The following GLI2 variants were observed in gnomAD, a reference collection of about 807,000 sequenced individuals.
GLI2 encodes GLI family zinc finger 2, also known as transcription activator GLI2.
In GLI2, 22 loss-of-function variants were observed where a neutral mutation model predicts 78.9. The ratio of observed to expected loss-of-function variants is 0.28; its 90% confidence interval spans 0.20 to 0.40. GLI2 has a LOEUF of 0.40. GLI2 is among the 10% of genes least tolerant of loss of function. GLI2 has a pLI of 1.00. For synonymous variants in GLI2, 974 were observed against 963.7 expected, an observed-to-expected ratio of 1.01 and a Z score of -0.20; for missense variants, 2,097 against 2,213.2, an observed-to-expected ratio of 0.95 and a Z score of 1.05.
intron 3 of GLI2, among the ~76,000 whole-genome samples, chr2:120,940,791 A>G (rs1558899633): frequency 6.6e-6 from 1 of 152,224 alleles, no homozygotes; most frequent in Non-Finnish European, 1.5e-5. Context: ...GTCTGCTGAG[A>G]TCTGTGCACT....
intron 1 of GLI2, among the ~76,000 whole-genome samples, chr2:120,773,300 G>A (rs1683575534): frequency 1.3e-5 from 2 of 152,170 alleles, no homozygotes; most frequent in African/African-American, 2.4e-5. Flanking sequence ...GGATATCGGT[G>A]TGCCTGATGG....
chr2:120,932,877 G>T (rs1680010863), intron 3 of GLI2, among the ~76,000 whole-genome samples: 1 of 152,214 alleles, frequency 6.6e-6, no homozygotes, highest in South Asian at 2.1e-4. Flanking sequence ...TGGCACAGAA[G>T]GTGGGGGATG....
Position 120,989,248 on chromosome 2 carries a change from G to A in GLI2, c.3283G>A (p.Ala1095Thr), listed in dbSNP as rs1476019294. 3.1e-6 allele frequency: 5 copies of A among 1,613,036 alleles called. No individual in the cohort carries two copies. The highest frequency in any genetic ancestry group is 4.2e-6 in the Non-Finnish European group (5 of 1,180,026). The change falls in exon 14 of 14, where the codon GCT becomes ACT. Residue 1095 changes from alanine to threonine, a missense_variant. Transcript: ENST00000361492. ...GCTGCACGGCCAGCGCAGGATGGTG[G>A]CTGCGGACTCCAACGTGGGCCCCTC... ...PGLHGQRRMVAADSNVGPSAP... is the reference protein window; with the variant it reads ...PGLHGQRRMVTADSNVGPSAP...
In GLI2 at chr2:120,898,177, AACACAC is replaced by A. The variant is rs55794893; in HGVS notation, c.149-29150_149-29145del. 9.3e-3 allele frequency among the ~76,000 whole-genome samples: 1,306 copies of A among 140,306 alleles called. 14 individuals carry two copies. The highest frequency in any genetic ancestry group is 0.032 in the African/African-American group (1,171 of 36,996). 92.0% of individuals were successfully genotyped at this position (140,306 alleles called of 152,430 possible). On this transcript the variant is annotated intron_variant, in intron 2 of 13. Transcript: ENST00000361492. ...GGCATAAGGCACTGATATAGATTAA[AACACAC>A]ACACACACACACACACACACACACA...
chr2:120,951,742 C>G (rs1333521763), intron 4 of GLI2: 2 of 327,544 alleles, frequency 6.1e-6, no homozygotes, highest in Non-Finnish European at 1.1e-5. Flanking sequence ...TGTAACCAAC[C>G]AAAGCCTGCA....
At chr2:120,792,501 G>C (rs1293842146) in intron 1 of GLI2, 1 of 152,268 alleles carries the variant, frequency 6.6e-6, no homozygotes, top group Non-Finnish European at 1.5e-5. Flanking sequence ...CTTGGGCATA[G>C]CTGCGACTCA....
At chr2:120,928,238 G>T (rs970428463) in intron 3 of GLI2, among the ~76,000 whole-genome samples, 2 of 151,954 alleles carry the variant, frequency 1.3e-5, no homozygotes, top group Non-Finnish European at 1.5e-5. Flanking sequence ...GCATCTTCAT[G>T]CCCACACCCT....
intron 1 of GLI2, among the ~76,000 whole-genome samples, chr2:120,739,289 G>A (rs1220129840): frequency 6.6e-6 from 1 of 152,116 alleles, no homozygotes; most frequent in Admixed American, 6.5e-5. Context: ...CCTGCCCCGG[G>A]GGTACTCCAC....
chr2:120,756,497 TTTTA>T (rs1478979695), intron 1 of GLI2, among the ~76,000 whole-genome samples: 1 of 152,186 alleles, frequency 6.6e-6, no homozygotes. Flanking sequence ...TCTGAATTCC[TTTTA>T]TTTAGTTTTT....
intron 2 of GLI2, among the ~76,000 whole-genome samples, chr2:120,894,938 C>A (rs573503751): frequency 3.3e-5 from 5 of 152,318 alleles, no homozygotes; most frequent in African/African-American, 1.2e-4. Flanking sequence ...ACCTCGTGAT[C>A]TGCCCGCCTC....
chr2:120,903,093 T>C (rs1457246566), intron 2 of GLI2, among the ~76,000 whole-genome samples: 1 of 151,846 alleles, frequency 6.6e-6, no homozygotes. Context: ...CTTTTTTTAA[T>C]GCAATTCAGG....
At chr2:120,959,986 G>T (rs1436269235) in intron 5 of GLI2, among the ~76,000 whole-genome samples, 1 of 152,160 alleles carries the variant, frequency 6.6e-6, no homozygotes, top group East Asian at 1.9e-4. Context: ...GCAGGCGCAG[G>T]GGGCCTGGAG....
chr2:120,978,717 G>A (rs1682578936), intron 10 of GLI2, 134 bp downstream of exon 10: 8 of 985,908 alleles, frequency 8.1e-6, no homozygotes, highest in Non-Finnish European at 1.2e-5. Flanking sequence ...CTCTGGGACA[G>A]GAGCCTGTTC....
intron 2 of GLI2, among the ~76,000 whole-genome samples, chr2:120,910,709 GGCAGAATGATACATGGGGGTTATTA>G (rs1032203256): frequency 6.6e-6 from 1 of 152,216 alleles, no homozygotes; most frequent in Non-Finnish European, 1.5e-5. Context: ...TTCGGAGCCA[GGCAGAATGATACATGGGGGTTATTA>G]GCAGCCACCA....
At chr2:120,810,071 G>A (rs1241520921) in intron 2 of GLI2, among the ~76,000 whole-genome samples, 7 of 152,182 alleles carry the variant, frequency 4.6e-5, no homozygotes, top group Non-Finnish European at 1.0e-4. Flanking sequence ...CTGTGCTGCT[G>A]GAAATTAACT....
At chr2:120,923,561 C>G (rs1679507099) in intron 2 of GLI2, among the ~76,000 whole-genome samples, 1 of 152,024 alleles carries the variant, frequency 6.6e-6, no homozygotes, top group Non-Finnish European at 1.5e-5. Context: ...ATACAGCACA[C>G]ACATACACAG....
intron 2 of GLI2, among the ~76,000 whole-genome samples, chr2:120,844,005 G>A (rs562534845): frequency 3.3e-5 from 5 of 152,216 alleles, no homozygotes; most frequent in East Asian, 3.9e-4. Context: ...TGTGGTCCCC[G>A]GCAGGACCCA....
chr2:120,780,063 CT>C (rs58187414), intron 1 of GLI2, among the ~76,000 whole-genome samples: 5,107 of 145,922 alleles, frequency 0.035, 245 homozygotes, highest in African/African-American at 0.12. Flanking sequence ...GGTTGTGTTT[CT>C]TTTTTTTTTT....
chr2:120,763,184 C>T (rs1226611497), intron 1 of GLI2, among the ~76,000 whole-genome samples: 2 of 152,224 alleles, frequency 1.3e-5, no homozygotes, highest in African/African-American at 4.8e-5. Flanking sequence ...GTGCCTCCCT[C>T]TCCTCTGGGT....
Sources: gnomAD v4.1 joint callset for allele counts (sites outside exome capture counted in the v4.1 genomes callset) on GRCh38, gnomAD v4.1.1 for gene constraint, MANE v1.5 for transcripts, NCBI Gene and HGNC (gene_info 2026-07-23, HGNC 2026-07-21) for gene names.